Variants in NCOR2 observed in about 807,000 individuals in gnomAD.
NCOR2 encodes nuclear receptor corepressor 2.
NCOR2 carries 81 observed loss-of-function variants against 262.9 expected under a neutral mutation model. The ratio of observed to expected loss-of-function variants is 0.31; its 90% CI spans 0.26 to 0.37. NCOR2 has a LOEUF of 0.37. NCOR2 is among the 10% of genes least tolerant of loss of function. The pLI is 1.00. For missense variants in NCOR2, 3,385 were observed against 3,621.4 expected (o/e 0.93, Z 1.68); for synonymous variants, 1,659 against 1,559.3 (o/e 1.06, Z -1.51).
At chr12:124,342,021 G>A in exon 34 of NCOR2, 1 of 1,613,032 alleles carries the variant, frequency 6.2e-7, no homozygotes, top group Non-Finnish European at 8.5e-7. Context: ...GGTGGGTACA[G>A]GTGCGGGTAG....
Position 124,335,646 on chromosome 12 carries a change from G to C in NCOR2, c.6116-14C>G, listed in dbSNP as rs557062997. The C allele has an allele frequency of 1.1e-5, 18 of 1,589,898 alleles. No individual in the cohort carries two copies. Among genetic ancestry groups the C allele is most frequent in the East Asian group, 9.0e-5 (4 of 44,540 alleles). ...TGCCGTGGTAACCTAGGGCAGGCGG[G>C]GGGTGCAGAGTCAGGCACCGGGCCC... On this transcript the variant is annotated splice_polypyrimidine_tract_variant and intron_variant, in intron 38 of 46. Coordinates refer to ENST00000405201, the Ensembl canonical transcript of NCOR2.
chr12:124,428,970 G>A (rs2043754911), intron 10 of NCOR2, among the ~76,000 whole-genome samples: 1 of 152,206 alleles, frequency 6.6e-6, no homozygotes, highest in Non-Finnish European at 1.5e-5. Context: ...CTCCCCAGGA[G>A]AAAAGGCTGC....
intron 20 of NCOR2, among the ~76,000 whole-genome samples, chr12:124,364,980 C>T (rs1454757445): frequency 1.3e-5 from 2 of 150,490 alleles, no homozygotes; most frequent in Admixed American, 6.6e-5. Flanking sequence ...GCCCGGCCTG[C>T]GTCTGCGGGT....
Position 124,335,000 on chromosome 12 carries a change from T to TC in NCOR2, c.6411+134dup, listed in dbSNP as rs969167890. 4.8e-5 allele frequency: 64 copies of TC among 1,339,972 alleles called. No homozygotes were observed. In the South Asian group the frequency reaches 7.6e-4, roughly 16 times the overall value. 83.0% of individuals were successfully genotyped at this position (1,339,972 alleles called of 1,614,324 possible). A position where few individuals can be genotyped will look rare whatever the true frequency, so the allele number is the denominator to read the frequency against. ...ATCTCACCCTCACCCACGCCCTGGA[T>TC]CCCCCCAGCGCCATGCCCTGGATCC... On this transcript the variant is annotated intron_variant, in intron 40 of 46. Coordinates refer to ENST00000405201, the Ensembl canonical transcript of NCOR2.
intron 7 of NCOR2, among the ~76,000 whole-genome samples, chr12:124,445,606 G>A (rs1285822032): frequency 6.6e-6 from 1 of 152,154 alleles, no homozygotes; most frequent in Non-Finnish European, 1.5e-5. Context: ...GGGCGAGGAG[G>A]CCGTGAGCGC....
intron 45 of NCOR2, 149 bp downstream of exon 47, chr12:124,327,260 A>G: frequency 1.5e-6 from 1 of 683,850 alleles, no homozygotes; most frequent in African/African-American, 1.8e-5. Flanking sequence ...TCAGATTAGC[A>G]AACTCCAGAA....
intron 1 of NCOR2, chr12:124,542,797 CCT>C (rs1477731837): frequency 1.3e-5 from 2 of 152,296 alleles, no homozygotes; most frequent in Non-Finnish European, 2.9e-5. Context: ...AGGAGCCTCC[CCT>C]GTCTCCTGCA....
At chr12:124,528,404 C>G (rs1263687669) in intron 1 of NCOR2, among the ~76,000 whole-genome samples, 1 of 152,202 alleles carries the variant, frequency 6.6e-6, no homozygotes, top group Non-Finnish European at 1.5e-5. Context: ...AGCTGACACC[C>G]CTCAGGCAAG....
intron 41 of NCOR2, among the ~76,000 whole-genome samples, chr12:124,333,897 C>CACGTGTGTGTGTGCGCGCATGTGTGTGT (rs1566353653): frequency 8.1e-6 from 1 of 123,618 alleles, no homozygotes; most frequent in Non-Finnish European, 1.9e-5. Context: ...TGTGTGTGTG[C>CACGTGTGTGTGTGCGCGCATGTGTGTGT]GCGCGCATGT....
chr12:124,445,544 A>G (rs905559050), intron 7 of NCOR2, among the ~76,000 whole-genome samples: 1 of 152,142 alleles, frequency 6.6e-6, no homozygotes, highest in African/African-American at 2.4e-5. Context: ...GTGACGGGGC[A>G]AGGTCTCTGG....
At chr12:124,348,344 A>G in intron 28 of NCOR2, 30 bp from the exon 31 acceptor site, 1 of 1,578,802 alleles carries the variant, frequency 6.3e-7, no homozygotes, top group East Asian at 2.2e-5. Context: ...CTCGGTGAGG[A>G]GCTGGGCACG....
chr12:124,428,077 G>GTGTGTGTGTGTGTGTGTGTGTGTGTGTA, intron 10 of NCOR2, among the ~76,000 whole-genome samples: 1 of 150,064 alleles, frequency 6.7e-6, no homozygotes, highest in Non-Finnish European at 1.5e-5. Flanking sequence ...GTGTGTGTGT[G>GTGTGTGTGTGTGTGTGTGTGTGTGTGTA]TGTGTGTGTG....
In NCOR2 at chr12:124,385,734, T is replaced by C. The variant is rs1466514655; in HGVS notation, c.2019+11A>G. 1.2e-6 allele frequency: 2 copies of C among 1,613,114 alleles called. No homozygotes were observed. Among genetic ancestry groups the C allele is most frequent in the Non-Finnish European group, 1.7e-6 (2 of 1,179,682 alleles). On this transcript the variant is annotated intron_variant, in intron 17 of 46. Transcript: ENST00000405201. Reference sequence around the variant, plus strand: ...TCCCAGAGGCGCGGTGCAGCGTGACTGGGGGCTCACCATCTTCAGCTTGTG... The same window carrying C: ...TCCCAGAGGCGCGGTGCAGCGTGACCGGGGGCTCACCATCTTCAGCTTGTG...
At chr12:124,418,821 T>C (rs538077174) in intron 13 of NCOR2, among the ~76,000 whole-genome samples, 8 of 152,336 alleles carry the variant, frequency 5.3e-5, no homozygotes, top group East Asian at 1.9e-4. Context: ...CTTTGAGGCA[T>C]GCCACTCCTG....
chr12:124,333,713 CCT>C lies in NCOR2; in HGVS notation c.6606-436_6606-435del, dbSNP rs1272073187. ...TTCACCCTGGAGCTCAGGGCCCTCCCCTCTCTTTCTCTTTTGACCCCCAGAGG... is the reference window on the plus strand; with the variant it reads ...TTCACCCTGGAGCTCAGGGCCCTCCCCTCTTTCTCTTTTGACCCCCAGAGG... On this transcript the variant is annotated intron_variant, in intron 41 of 46. Transcript: ENST00000405201. 1.0e-3 allele frequency among the ~76,000 whole-genome samples: 158 copies of C among 152,290 alleles called. 1 individual carries two copies. Among genetic ancestry groups the C allele is most frequent in the Admixed American group, 2.9e-3 (44 of 15,302 alleles).
intron 17 of NCOR2, among the ~76,000 whole-genome samples, chr12:124,380,250 G>A (rs1275395751): frequency 1.3e-5 from 2 of 152,168 alleles, no homozygotes; most frequent in Non-Finnish European, 2.9e-5. Context: ...AGGGGGTCTC[G>A]GGCTCCAAGC....
At chr12:124,533,776 G>A (rs1046256059) in intron 1 of NCOR2, among the ~76,000 whole-genome samples, 3 of 152,262 alleles carry the variant, frequency 2.0e-5, no homozygotes, top group Admixed American at 6.5e-5. Flanking sequence ...GAGCACGATG[G>A]GGGTGGACTT....
At chr12:124,551,787 C>A (rs904692960) in intron 1 of NCOR2, among the ~76,000 whole-genome samples, 1 of 152,138 alleles carries the variant, frequency 6.6e-6, no homozygotes, top group Non-Finnish European at 1.5e-5. Context: ...GAAGGAGGCG[C>A]GGGCCGTTTT....
At chr12:124,441,969 G>A (rs1413128463) in intron 7 of NCOR2, among the ~76,000 whole-genome samples, 2 of 152,216 alleles carry the variant, frequency 1.3e-5, no homozygotes, top group African/African-American at 4.8e-5. Context: ...CTGAGAAGCC[G>A]TCACGGGCTG....
Sources: allele counts gnomAD v4.1 joint callset (sites outside exome capture counted in the v4.1 genomes callset), GRCh38; gene constraint gnomAD v4.1.1; transcripts MANE v1.5; gene names NCBI Gene and HGNC (gene_info 2026-07-23, HGNC 2026-07-21).